Variants in UROS observed in about 807,000 individuals in gnomAD.
The protein encoded by UROS is uroporphyrinogen-III synthase.
In UROS, 18 loss-of-function variants were observed where a neutral mutation model predicts 33.0. That is an observed-to-expected ratio of 0.55 (90% confidence interval 0.38 to 0.81). The LOEUF is 0.81. Ranked by LOEUF, UROS falls within the 30% of genes least tolerant of loss-of-function variation. The pLI, the probability that UROS is intolerant of heterozygous loss-of-function variation, is 0.00. For missense variants in UROS, 293 were observed against 314.9 expected, an observed-to-expected ratio of 0.93 and a Z score of 0.53; for synonymous variants, 114 against 121.1, an observed-to-expected ratio of 0.94 and a Z score of 0.38.
chr10:125,820,612 T>G (rs776786256), intron 1 of UROS, among the ~76,000 whole-genome samples: 3 of 152,144 alleles, frequency 2.0e-5, no homozygotes, highest in Non-Finnish European at 4.4e-5. Context: ...AAAGTAACTA[T>G]CACACTGGGC....
chr10:125,795,231 T>C lies in UROS; in HGVS notation c.562-253A>G, dbSNP rs147358325. 2,414 of 530,582 alleles carry C rather than the reference T, an allele frequency of 4.5e-3. 9 individuals are homozygous for C. The highest frequency in any genetic ancestry group is 6.7e-3 in the Non-Finnish European group (1,962 of 293,194). The allele number at this position is 530,582 out of a possible 1,614,324, so 32.9% of individuals were successfully genotyped here. On this transcript the variant is annotated intron_variant, in intron 8 of 9. Transcript: ENST00000368797. Reference sequence around the variant, plus strand: ...TCTGTGTCTGCCTGGCCAGAGGACATGGGCATCCCGGAGCTCATGTGCCCA... The same window carrying C: ...TCTGTGTCTGCCTGGCCAGAGGACACGGGCATCCCGGAGCTCATGTGCCCA...
intron 7 of UROS, 117 bp from the exon 8 acceptor site, chr10:125,796,305 G>T: frequency 9.6e-7 from 1 of 1,045,124 alleles, no homozygotes; most frequent in Non-Finnish European, 1.5e-6. Context: ...CCTGGAACGA[G>T]CTGCTTGGAA....
Position 125,799,797 on chromosome 10 carries a change from T to C in UROS, c.395-1652A>G, listed in dbSNP as rs1364327903. On this transcript the variant is annotated intron_variant, in intron 6 of 9. Coordinates refer to ENST00000368797, the MANE Select transcript of UROS (RefSeq NM_000375.3). ...AGAAAGGAGAAAATTGAAAATGTCC[T>C]GGCTGAGTCCTCCTTTGCTGGTGAG... is the stretch of plus-strand genomic sequence containing the variant. Among the ~76,000 whole-genome samples the C allele has an allele frequency of 2.6e-5, 4 of 152,332 alleles. No individual in the cohort carries two copies. In the East Asian group the frequency reaches 7.7e-4, roughly 29 times the overall value.
At chr10:125,822,057 G>A (rs901786410) in intron 1 of UROS, among the ~76,000 whole-genome samples, 3 of 152,152 alleles carry the variant, frequency 2.0e-5, no homozygotes, top group Non-Finnish European at 4.4e-5. Flanking sequence ...TATTAGCGCA[G>A]CTCACACCAT....
intron 6 of UROS, among the ~76,000 whole-genome samples, chr10:125,803,951 T>C (rs761362640): frequency 6.6e-6 from 1 of 152,258 alleles, no homozygotes; most frequent in Non-Finnish European, 1.5e-5. Flanking sequence ...TGCCTTCTTT[T>C]GGACACCCTG....
At chr10:125,809,624 T>C (rs1180724624) in intron 5 of UROS, among the ~76,000 whole-genome samples, 2 of 152,220 alleles carry the variant, frequency 1.3e-5, no homozygotes, top group African/African-American at 4.8e-5. Flanking sequence ...AAAAATTTGT[T>C]TCATTATATA....
intron 1 of UROS, among the ~76,000 whole-genome samples, chr10:125,821,908 G>A (rs1346509787): frequency 3.3e-5 from 5 of 152,184 alleles, no homozygotes; most frequent in African/African-American, 9.7e-5. Flanking sequence ...GGGTAGACAA[G>A]AGACTCCCAG....
chr10:125,792,446 T>G (rs998950689), intron 9 of UROS: 1 of 152,252 alleles, frequency 6.6e-6, no homozygotes, highest in African/African-American at 2.4e-5. Flanking sequence ...GTTCACAGCC[T>G]GGCTCTGCCA....
chr10:125,815,038 A>G lies in UROS; in HGVS notation c.240T>C (p.Thr80=), dbSNP rs1174407644. ...CCACAGCAGACCCACCCTCACCTTC[A>G]GTTTTATTGTTTTGCTCCAAACATA... ...AELCLEQNNK[T]EVWERSLKEK... is the part of the protein sequence containing the mutation. The change falls in exon 4 of 10, where the codon ACT becomes ACC. Residue 80 remains threonine, a synonymous_variant. Coordinates refer to ENST00000368797, the MANE Select transcript of UROS (RefSeq NM_000375.3). 1.9e-6 allele frequency: 3 copies of G among 1,614,056 alleles called. No homozygotes were observed. The highest frequency in any genetic ancestry group is 2.5e-6 in the Non-Finnish European group (3 of 1,180,036).
intron 9 of UROS, 52 bp downstream of exon 9, chr10:125,794,828 A>G (rs80324865): frequency 5.0e-6 from 1 of 198,342 alleles, no homozygotes; most frequent in African/African-American, 3.0e-5. Flanking sequence ...CATAAAGATT[A>G]AAAAAAAAAA....
At chr10:125,812,076 C>A in intron 5 of UROS, 138 bp downstream of exon 5, 1 of 725,666 alleles carries the variant, frequency 1.4e-6, no homozygotes, top group Non-Finnish European at 2.3e-6. Flanking sequence ...GCATTCTTAT[C>A]AGTAGTATCG....
chr10:125,816,678 T>A, intron 1 of UROS, 153 bp from the exon 2 acceptor site: 1 of 718,016 alleles, frequency 1.4e-6, no homozygotes, highest in South Asian at 1.7e-5. Flanking sequence ...ATGGGCTTGT[T>A]CTTTCTGAAG....
At chr10:125,820,863 C>T (rs977936167) in intron 1 of UROS, among the ~76,000 whole-genome samples, 38 of 152,202 alleles carry the variant, frequency 2.5e-4, no homozygotes, top group Admixed American at 2.5e-3. Context: ...TAAAGATGAA[C>T]ACTGAACGAG....
At chr10:125,797,835 G>A (rs1851491911) in intron 7 of UROS, among the ~76,000 whole-genome samples, 1 of 152,224 alleles carries the variant, frequency 6.6e-6, no homozygotes, top group East Asian at 1.9e-4. Flanking sequence ...CACACTGTGT[G>A]CTCCTAGCTT....
intron 5 of UROS, among the ~76,000 whole-genome samples, chr10:125,811,969 A>C (rs1286521272): frequency 6.6e-6 from 1 of 152,214 alleles, no homozygotes; most frequent in African/African-American, 2.4e-5. Flanking sequence ...CAAACATTTT[A>C]ATAAAGCTTT....
intron 9 of UROS, chr10:125,789,494 C>T (rs1051522067): frequency 5.2e-5 from 27 of 520,428 alleles, no homozygotes; most frequent in Non-Finnish European, 6.5e-5. Flanking sequence ...TGACCTTGGC[C>T]CGTGGCCCAT....
Position 125,821,981 on chromosome 10 carries a change from C to T in UROS, c.-27+1048G>A, listed in dbSNP as rs192181446. Among the ~76,000 whole-genome samples the T allele has an allele frequency of 8.5e-5, 13 of 152,176 alleles. No individual in the cohort carries two copies. The East Asian group carries it at 1.2e-3, about 14-fold the overall frequency. ...TGGGCTCCTGGGGACCTTTAGGGCA[C>T]GCCATCTCGTACTGATGAAGGATCA... On this transcript the variant is annotated intron_variant, in intron 1 of 9. Transcript: ENST00000368797.
At chr10:125,798,477 C>T (rs1373058803) in intron 6 of UROS, among the ~76,000 whole-genome samples, 1 of 152,232 alleles carries the variant, frequency 6.6e-6, no homozygotes, top group East Asian at 1.9e-4. Flanking sequence ...GCAGACTTTG[C>T]ACCTTAACTA....
intron 4 of UROS, among the ~76,000 whole-genome samples, chr10:125,813,060 AT>A (rs1257089741): frequency 6.6e-6 from 1 of 152,192 alleles, no homozygotes; most frequent in African/African-American, 2.4e-5. Flanking sequence ...GTAACCAAAG[AT>A]TGAGTTCCAC....
Sources: allele counts gnomAD v4.1 joint callset (sites outside exome capture counted in the v4.1 genomes callset), GRCh38; gene constraint gnomAD v4.1.1; transcripts MANE v1.5; gene names NCBI Gene and HGNC (gene_info 2026-07-23, HGNC 2026-07-21).